ACACA: variants seen among roughly 807,000 people sequenced by gnomAD.
ACACA encodes the protein acetyl-CoA carboxylase alpha, also known as acetyl-CoA carboxylase 1.
A neutral mutation model predicts 296.1 loss-of-function variants in ACACA; 103 were observed. The ratio of observed to expected loss-of-function variants is 0.35; its 90% CI spans 0.30 to 0.41. ACACA has a LOEUF of 0.41. Ranked by LOEUF, ACACA falls within the 10% of genes least tolerant of loss-of-function variation. ACACA has a pLI of 1.00. For missense variants in ACACA, 1,554 were observed against 2,989.7 expected (o/e 0.52, Z 11.20); for synonymous variants, 953 against 1,038.6 (o/e 0.92, Z 1.58).
intron 1 of ACACA, among the ~76,000 whole-genome samples, chr17:37,362,883 GAAA>G (rs533808114): frequency 1.3e-3 from 199 of 149,472 alleles, no homozygotes; most frequent in African/African-American, 4.4e-3. Flanking sequence ...GCTGAGGCAG[GAAA>G]ATGGCGCGAA....
chr17:37,264,606 CT>C (rs979387190), intron 10 of ACACA, among the ~76,000 whole-genome samples: 1 of 152,104 alleles, frequency 6.6e-6, no homozygotes. Flanking sequence ...CTTTTTGAAT[CT>C]GTCCTTGGTA....
chr17:37,121,345 G>A lies in ACACA; in HGVS notation c.6274+10C>T. On this transcript the variant is annotated intron_variant, in intron 50 of 55. Transcript: ENST00000616317. ...GTGATGCCCCTCCAGCCCACAGGCAGCCCAGTCACCTTTCATTCCACCAGA... is the reference window on the plus strand; with the variant it reads ...GTGATGCCCCTCCAGCCCACAGGCAACCCAGTCACCTTTCATTCCACCAGA... The A allele has an allele frequency of 6.2e-7, 1 of 1,614,026 alleles. No individual in the cohort carries two copies. The highest frequency in any genetic ancestry group is 8.5e-7 in the Non-Finnish European group (1 of 1,179,988).
At position 37,149,795 on chromosome 17, in the gene ACACA, T is replaced by C. The variant is rs116632063; in HGVS notation, c.5679+69A>G. ...GAACTGCTTCCTTCCAATCAGGATC[T>C]TGAATTAAGAATTCACACAATAATC... On this transcript the variant is annotated intron_variant, in intron 45 of 55. Transcript: ENST00000616317. 11 of 1,378,860 alleles carry C rather than the reference T, an allele frequency of 8.0e-6. No homozygotes were observed. The African/African-American group carries it at 1.6e-4, about 20-fold the overall frequency. 85.4% of individuals were successfully genotyped at this position (1,378,860 alleles called of 1,614,324 possible). A position where few individuals can be genotyped will look rare whatever the true frequency, so the allele number is the denominator to read the frequency against.
intron 1 of ACACA, among the ~76,000 whole-genome samples, chr17:37,344,864 CT>C (rs1280964337): frequency 2.0e-5 from 3 of 152,192 alleles, no homozygotes; most frequent in Non-Finnish European, 4.4e-5. Flanking sequence ...ATTACATTTT[CT>C]CCCCAACTAG....
chr17:37,155,346 G>T (rs1299884155), intron 43 of ACACA, among the ~76,000 whole-genome samples: 1 of 151,962 alleles, frequency 6.6e-6, no homozygotes, highest in Admixed American at 6.5e-5. Flanking sequence ...CAATCACATA[G>T]AAAAAAGATA....
chr17:37,368,474 G>T (rs150540922), intron 1 of ACACA, among the ~76,000 whole-genome samples: 2 of 151,796 alleles, frequency 1.3e-5, no homozygotes, highest in African/African-American at 4.8e-5. Flanking sequence ...CCAGCTACTC[G>T]GGAAGCTGAA....
intron 10 of ACACA, among the ~76,000 whole-genome samples, chr17:37,267,630 A>T (rs1377157175): frequency 2.6e-5 from 4 of 152,130 alleles, no homozygotes; most frequent in Non-Finnish European, 1.5e-5. Context: ...GCATGACCAT[A>T]GCTCAAGGCA....
At chr17:37,269,776 A>C (rs1162097407) in intron 10 of ACACA, among the ~76,000 whole-genome samples, 1 of 151,896 alleles carries the variant, frequency 6.6e-6, no homozygotes, top group Non-Finnish European at 1.5e-5. Flanking sequence ...AAAAAAAAAA[A>C]AGCGAAATAA....
intron 25 of ACACA, among the ~76,000 whole-genome samples, chr17:37,229,784 T>G (rs1462190679): frequency 6.6e-6 from 1 of 151,118 alleles, no homozygotes; most frequent in Non-Finnish European, 1.5e-5. Context: ...AAAAAATAAA[T>G]GTGGGCCAGG....
chr17:37,343,127 GCCA>G (rs1435524332), intron 1 of ACACA, among the ~76,000 whole-genome samples: 1 of 151,950 alleles, frequency 6.6e-6, no homozygotes, highest in East Asian at 2.0e-4. Flanking sequence ...ACAGATGCAT[GCCA>G]CCACACCTGG....
intron 3 of ACACA, among the ~76,000 whole-genome samples, chr17:37,316,939 G>A (rs1008505624): frequency 2.0e-5 from 3 of 152,070 alleles, no homozygotes; most frequent in African/African-American, 7.2e-5. Context: ...TGGGTGTGGT[G>A]GTGTACGTCT....
chr17:37,187,611 C>G (rs1479969153), intron 39 of ACACA, among the ~76,000 whole-genome samples: 1 of 152,208 alleles, frequency 6.6e-6, no homozygotes, highest in Non-Finnish European at 1.5e-5. Flanking sequence ...AATTAGTGTA[C>G]TGACTCACTT....
intron 52 of ACACA, among the ~76,000 whole-genome samples, chr17:37,100,322 T>C (rs1390505676): frequency 6.6e-6 from 1 of 152,182 alleles, no homozygotes; most frequent in Admixed American, 6.5e-5. Flanking sequence ...TGGATTAACC[T>C]AGTGAACAAC....
chr17:37,307,638 A>T (rs1406765073), intron 3 of ACACA, among the ~76,000 whole-genome samples: 4 of 151,962 alleles, frequency 2.6e-5, no homozygotes, highest in Non-Finnish European at 4.4e-5. Flanking sequence ...TCTATCCCTC[A>T]GGCTGGAGTG....
At chr17:37,380,529 T>C (rs1361420895) in intron 1 of ACACA, among the ~76,000 whole-genome samples, 4 of 152,152 alleles carry the variant, frequency 2.6e-5, no homozygotes, top group African/African-American at 9.7e-5. Flanking sequence ...CTAGCCCTGA[T>C]ACTCTGTGAT....
At position 37,401,518 on chromosome 17, in the gene ACACA, G is replaced by C. The variant is rs112926969; in HGVS notation, c.38+4744C>G. ...GCCCTTGTCCACTTATCTGATGTAG[G>C]GGTCGTGAATATTTTCTCCCATTCC... On this transcript the variant is annotated intron_variant, in intron 1 of 55. Transcript: ENST00000616317. Among the ~76,000 whole-genome samples the C allele has an allele frequency of 2.1e-4, 31 of 150,884 alleles. 1 individual carries two copies. Among genetic ancestry groups the C allele is most frequent in the Admixed American group, 6.0e-4 (9 of 15,084 alleles).
chr17:37,212,011 A>C (rs2078768857), intron 29 of ACACA, among the ~76,000 whole-genome samples: 1 of 152,194 alleles, frequency 6.6e-6, no homozygotes, highest in African/African-American at 2.4e-5. Flanking sequence ...GCTGAACAGA[A>C]AACTAACTGC....
intron 5 of ACACA, among the ~76,000 whole-genome samples, chr17:37,282,356 T>C (rs2082578181): frequency 6.6e-6 from 1 of 152,204 alleles, no homozygotes; most frequent in East Asian, 1.9e-4. Context: ...ATGCTTCCTG[T>C]AAAGCCTGTA....
At chr17:37,305,479 AT>A (rs2083828248) in intron 3 of ACACA, among the ~76,000 whole-genome samples, 1 of 152,198 alleles carries the variant, frequency 6.6e-6, no homozygotes, top group Admixed American at 6.5e-5. Flanking sequence ...AAAGGCTTTT[AT>A]CCTCTGTTTA....
Sources: allele counts gnomAD v4.1 joint callset (sites outside exome capture counted in the v4.1 genomes callset), GRCh38; gene constraint gnomAD v4.1.1; transcripts MANE v1.5; gene names NCBI Gene and HGNC (gene_info 2026-07-23, HGNC 2026-07-21).